The following FAM168A variants were observed in gnomAD, a reference collection of about 807,000 sequenced individuals.
FAM168A encodes the protein protein FAM168A.
Under a neutral mutation model 28.5 loss-of-function variants are expected in FAM168A, and 3 were observed. The observed-to-expected ratio is 0.11, with a 90% CI of 0.05 to 0.27. The LOEUF (loss-of-function observed/expected upper bound fraction) is 0.27. Ranked by LOEUF, FAM168A falls within the 10% of genes least tolerant of loss-of-function variation. The pLI, the probability that FAM168A is intolerant of heterozygous loss-of-function variation, is 1.00. For synonymous variants in FAM168A, 122 were observed against 124.2 expected (o/e 0.98, Z 0.12); for missense variants, 222 against 311.5 (o/e 0.71, Z 2.16).
rs1943781331 is a variant in FAM168A at position 73,548,014 on chromosome 11, A to G, written c.-19+49909T>C. Among the ~76,000 whole-genome samples, 3 of 152,218 alleles carry G rather than the reference A, an allele frequency of 2.0e-5. No individual in the cohort carries two copies. In the South Asian group the frequency reaches 6.2e-4, roughly 31 times the overall value. On this transcript the variant is annotated intron_variant, in intron 1 of 7. Transcript: ENST00000356467. ...GCAAATATTGTATGATTCCACTTAC[A>G]TGAGGTATCTAAAGTAGTCAAACTC...
At chr11:73,452,394 G>C (rs1408701012) in intron 2 of FAM168A, 1 of 152,466 alleles carries the variant, frequency 6.6e-6, no homozygotes, top group Non-Finnish European at 1.5e-5. Context: ...GTTGTGCCCT[G>C]TCCTTCCTGC....
At chr11:73,583,928 T>C (rs1944278541) in intron 1 of FAM168A, among the ~76,000 whole-genome samples, 1 of 152,158 alleles carries the variant, frequency 6.6e-6, no homozygotes, top group African/African-American at 2.4e-5. Flanking sequence ...AACTCCTATC[T>C]AGGAGACAGT....
chr11:73,576,259 G>C (rs1440769275), intron 1 of FAM168A, among the ~76,000 whole-genome samples: 1 of 152,118 alleles, frequency 6.6e-6, no homozygotes, highest in African/African-American at 2.4e-5. Context: ...TACCCAACCA[G>C]CATGAACAAT....
chr11:73,426,154 T>C (rs1866880843), intron 3 of FAM168A, among the ~76,000 whole-genome samples: 1 of 152,258 alleles, frequency 6.6e-6, no homozygotes, highest in African/African-American at 2.4e-5. Context: ...ATTTTATTTT[T>C]ATCTGTATTA....
chr11:73,454,018 C>T (rs1867481115), intron 2 of FAM168A, among the ~76,000 whole-genome samples: 1 of 152,224 alleles, frequency 6.6e-6, no homozygotes, highest in South Asian at 2.1e-4. Context: ...GACAGGCTGG[C>T]TTTCATGGTC....
At chr11:73,427,879 G>A (rs1165502544) in intron 3 of FAM168A, among the ~76,000 whole-genome samples, 1 of 152,034 alleles carries the variant, frequency 6.6e-6, no homozygotes, top group Non-Finnish European at 1.5e-5. Context: ...ATTCAGATGG[G>A]CCCCCCAATG....
intron 2 of FAM168A, among the ~76,000 whole-genome samples, chr11:73,434,524 GGCCC>G (rs1423799319): frequency 6.6e-6 from 1 of 152,188 alleles, no homozygotes; most frequent in Non-Finnish European, 1.5e-5. Flanking sequence ...TCAGTGCAAA[GGCCC>G]TAAGGTGACA....
At chr11:73,522,079 C>T (rs1403025194) in intron 1 of FAM168A, among the ~76,000 whole-genome samples, 1 of 152,052 alleles carries the variant, frequency 6.6e-6, no homozygotes, top group Non-Finnish European at 1.5e-5. Flanking sequence ...AGTTCTCTGA[C>T]TTCTAAACTC....
intron 1 of FAM168A, among the ~76,000 whole-genome samples, chr11:73,543,755 A>C (rs1943688017): frequency 6.6e-6 from 1 of 152,198 alleles, no homozygotes; most frequent in African/African-American, 2.4e-5. Flanking sequence ...TCTTATAATC[A>C]ACTAACAAAT....
In FAM168A at chr11:73,447,010, C is replaced by T. The variant is rs181474652; in HGVS notation, c.71-16240G>A. 5.3e-4 allele frequency among the ~76,000 whole-genome samples: 81 copies of T among 152,328 alleles called. 1 individual carries two copies. Among genetic ancestry groups the T allele is most frequent in the African/African-American group, 1.3e-3 (54 of 41,576 alleles). ...AGATGTCCTATTTCTTCTCTTGCCA[C>T]GCCGGGTCTGGCATTTTACACTTCA... On this transcript the variant is annotated intron_variant, in intron 2 of 7. Transcript: ENST00000356467.
intron 1 of FAM168A, among the ~76,000 whole-genome samples, chr11:73,488,509 C>A (rs1868085015): frequency 6.6e-6 from 1 of 152,142 alleles, no homozygotes; most frequent in Non-Finnish European, 1.5e-5. Flanking sequence ...GCTTTCTTTG[C>A]TCCTAATCTC....
chr11:73,540,490 A>T (rs1228459912), intron 1 of FAM168A, among the ~76,000 whole-genome samples: 1 of 152,158 alleles, frequency 6.6e-6, no homozygotes, highest in Admixed American at 6.5e-5. Flanking sequence ...ATGACTCCAC[A>T]ACTCTATGCA....
intron 1 of FAM168A, among the ~76,000 whole-genome samples, chr11:73,589,639 C>T (rs1229111197): frequency 6.6e-6 from 1 of 152,176 alleles, no homozygotes; most frequent in Non-Finnish European, 1.5e-5. Flanking sequence ...AAAAACATTC[C>T]TCCTTTCGGC....
chr11:73,471,794 A>C (rs1357994371), intron 1 of FAM168A, among the ~76,000 whole-genome samples: 4 of 152,196 alleles, frequency 2.6e-5, no homozygotes, highest in Admixed American at 2.6e-4. Context: ...CTTACATGCT[A>C]GTTGGGAGGG....
At chr11:73,502,765 A>C (rs550237831) in intron 1 of FAM168A, among the ~76,000 whole-genome samples, 1 of 152,334 alleles carries the variant, frequency 6.6e-6, no homozygotes, top group East Asian at 1.9e-4. Context: ...AATACTGGCA[A>C]ACTGAATCCA....
chr11:73,478,872 GA>G (rs1163964827), intron 1 of FAM168A, among the ~76,000 whole-genome samples: 1 of 152,074 alleles, frequency 6.6e-6, no homozygotes, highest in East Asian at 1.9e-4. Context: ...AGAATTTAAA[GA>G]AAAAAACAAC....
intron 1 of FAM168A, among the ~76,000 whole-genome samples, chr11:73,516,050 G>A (rs1432986312): frequency 3.3e-5 from 5 of 150,514 alleles, no homozygotes; most frequent in Admixed American, 6.6e-5. Flanking sequence ...GCAGTGAGCC[G>A]AGATCGTGCC....
chr11:73,452,869 A>G (rs74749619), intron 2 of FAM168A, among the ~76,000 whole-genome samples: 4,459 of 152,014 alleles, frequency 0.029, 218 homozygotes, highest in African/African-American at 0.1. Flanking sequence ...AGGAACTCCT[A>G]TGGTTACTCA....
chr11:73,529,796 C>CTTTTTTTTTTTTTTTTTTTTTTTTTTTT (rs772530179), intron 1 of FAM168A, among the ~76,000 whole-genome samples: 2 of 127,532 alleles, frequency 1.6e-5, no homozygotes, highest in Admixed American at 7.7e-5. Flanking sequence ...ACTTTTTCTT[C>CTTTTTTTTTTTTTTTTTTTTTTTTTTTT]TTTTTTTTTT....
Sources: gnomAD v4.1 joint callset for allele counts (sites outside exome capture counted in the v4.1 genomes callset) on GRCh38, gnomAD v4.1.1 for gene constraint, MANE v1.5 for transcripts, NCBI Gene and HGNC (gene_info 2026-07-23, HGNC 2026-07-21) for gene names.